NEGR1: variants seen among roughly 807,000 people sequenced by gnomAD.
The protein encoded by NEGR1 is IgLON family member 4.
In NEGR1, 10 loss-of-function variants were observed where a neutral mutation model predicts 40.9. The ratio of observed to expected loss-of-function variants is 0.24; its 90% CI spans 0.15 to 0.42. The LOEUF (loss-of-function observed/expected upper bound fraction) is 0.42. NEGR1 is among the 10% of genes least tolerant of loss of function. The pLI, the probability that NEGR1 is intolerant of heterozygous loss-of-function variation, is 1.00. For synonymous variants in NEGR1, 185 were observed against 166.8 expected (o/e 1.11, Z -0.84); for missense variants, 352 against 438.9 (o/e 0.80, Z 1.77).
chr1:71,744,302 T>TATATATAA (rs1444448437), intron 3 of NEGR1, among the ~76,000 whole-genome samples: 1 of 147,240 alleles, frequency 6.8e-6, no homozygotes, highest in African/African-American at 2.5e-5. Context: ...TATATATATA[T>TATATATAA]AAAGTGCTTG....
rs1318293372 is a variant in NEGR1, at chr1:71,688,497, G to A, written c.667+9511C>T. 1.8e-4 allele frequency among the ~76,000 whole-genome samples: 9 copies of A among 50,188 alleles called. No individual in the cohort carries two copies. The East Asian group carries it at 3.9e-3, about 21-fold the overall frequency. 32.9% of individuals were successfully genotyped at this position (50,188 alleles called of 152,430 possible). A position where few individuals can be genotyped will look rare whatever the true frequency, so the allele number is the denominator to read the frequency against. On this transcript the variant is annotated intron_variant, in intron 4 of 6. Coordinates refer to ENST00000357731, the MANE Select transcript of NEGR1 (RefSeq NM_173808.3). ...TTTTGAGACAGAGTCTTGCTCTGTC[G>A]CCCCGAGCTGGAGTGCAATGGCACA...
intron 1 of NEGR1, among the ~76,000 whole-genome samples, chr1:72,187,642 T>C (rs1652659949): frequency 7.3e-6 from 1 of 137,582 alleles, no homozygotes; most frequent in Admixed American, 7.7e-5. Flanking sequence ...AAACATGCCA[T>C]GTTGAAACAG....
chr1:71,559,019 G>GTGTGTATA (rs377263417), intron 6 of NEGR1, among the ~76,000 whole-genome samples: 12,202 of 113,310 alleles, frequency 0.11, 562 homozygotes, highest in Middle Eastern at 0.15. Context: ...CTGTGTGTGT[G>GTGTGTATA]TATATATATA....
intron 4 of NEGR1, among the ~76,000 whole-genome samples, chr1:71,661,114 G>A (rs6424439): frequency 0.47 from 71,520 of 151,728 alleles, 16,876 homozygotes; most frequent in Middle Eastern, 0.54. Context: ...TGAGCATTAC[G>A]GTCGGTTCCA....
At chr1:72,043,804 C>G (rs1296076778) in intron 1 of NEGR1, among the ~76,000 whole-genome samples, 1 of 151,762 alleles carries the variant, frequency 6.6e-6, no homozygotes, top group Non-Finnish European at 1.5e-5. Flanking sequence ...GTGGAATTCA[C>G]CCTATTCTGT....
At chr1:71,874,178 G>C (rs1400248685) in intron 2 of NEGR1, among the ~76,000 whole-genome samples, 1 of 151,992 alleles carries the variant, frequency 6.6e-6, no homozygotes, top group Non-Finnish European at 1.5e-5. Context: ...AATTAAATTG[G>C]AAGCCATTCC....
chr1:72,124,008 G>T (rs1395393676), intron 1 of NEGR1, among the ~76,000 whole-genome samples: 1 of 151,934 alleles, frequency 6.6e-6, no homozygotes, highest in African/African-American at 2.4e-5. Flanking sequence ...TTTGAAATTA[G>T]AAATCTATCA....
chr1:71,655,801 G>A (rs1310177571), intron 4 of NEGR1, among the ~76,000 whole-genome samples: 1 of 152,150 alleles, frequency 6.6e-6, no homozygotes, highest in Non-Finnish European at 1.5e-5. Flanking sequence ...CATTTGAGTT[G>A]TGAAAGGCAT....
At chr1:71,930,894 C>G (rs1040736496) in intron 2 of NEGR1, among the ~76,000 whole-genome samples, 11 of 152,098 alleles carry the variant, frequency 7.2e-5, no homozygotes, top group Non-Finnish European at 2.9e-5. Context: ...CAAAGCTGTC[C>G]TACATTGGGC....
chr1:71,946,003 C>T (rs890449638), intron 1 of NEGR1, among the ~76,000 whole-genome samples: 7 of 152,118 alleles, frequency 4.6e-5, no homozygotes, highest in African/African-American at 1.7e-4. Flanking sequence ...CACTGATCTT[C>T]CCAAGCCCAT....
intron 6 of NEGR1, among the ~76,000 whole-genome samples, chr1:71,431,111 C>A (rs1646465443): frequency 7.1e-6 from 1 of 141,254 alleles, no homozygotes; most frequent in Non-Finnish European, 1.5e-5. Flanking sequence ...TAAAAAAGGT[C>A]AAAAAAAGAC....
intron 6 of NEGR1, among the ~76,000 whole-genome samples, chr1:71,502,879 C>G (rs149167206): frequency 1.3e-5 from 2 of 152,102 alleles, no homozygotes; most frequent in Admixed American, 1.3e-4. Context: ...TCAGTTCTCC[C>G]GCAAGGGAAA....
intron 6 of NEGR1, among the ~76,000 whole-genome samples, chr1:71,496,087 T>C (rs1646961254): frequency 6.6e-6 from 1 of 152,218 alleles, no homozygotes; most frequent in South Asian, 2.1e-4. Flanking sequence ...TAGTTTTCTT[T>C]TTAATTATAT....
intron 6 of NEGR1, among the ~76,000 whole-genome samples, chr1:71,500,971 C>A (rs1020959329): frequency 5.9e-5 from 9 of 151,972 alleles, no homozygotes; most frequent in Non-Finnish European, 1.3e-4. Context: ...CCCACAAAGT[C>A]AGAGAGCCAA....
chr1:71,752,884 C>G (rs1444956229), intron 3 of NEGR1, among the ~76,000 whole-genome samples: 1 of 152,102 alleles, frequency 6.6e-6, no homozygotes, highest in Admixed American at 6.6e-5. Context: ...TCCAGAAAAT[C>G]TTAGTCATTT....
At chr1:71,576,796 C>T (rs1052295432) in intron 6 of NEGR1, among the ~76,000 whole-genome samples, 1 of 152,110 alleles carries the variant, frequency 6.6e-6, no homozygotes, top group African/African-American at 2.4e-5. Context: ...GGAGATGAGA[C>T]CTTTTCCTTC....
chr1:72,171,623 T>C (rs932197231), intron 1 of NEGR1, among the ~76,000 whole-genome samples: 2 of 152,314 alleles, frequency 1.3e-5, no homozygotes, highest in South Asian at 2.1e-4. Flanking sequence ...AAATAGTATA[T>C]TGTCAAAATT....
At chr1:72,272,323 CACTA>C (rs1273905159) in intron 1 of NEGR1, among the ~76,000 whole-genome samples, 2 of 151,756 alleles carry the variant, frequency 1.3e-5, no homozygotes, top group African/African-American at 4.8e-5. Flanking sequence ...ACCTACCAAG[CACTA>C]ACTAAGTAGT....
At chr1:72,010,568 T>C (rs1356077830) in intron 1 of NEGR1, among the ~76,000 whole-genome samples, 3 of 152,040 alleles carry the variant, frequency 2.0e-5, no homozygotes, top group East Asian at 1.9e-4. Context: ...AACTAAAGCA[T>C]TGCAATATTC....
Sources: gnomAD v4.1 joint callset for allele counts (sites outside exome capture counted in the v4.1 genomes callset) on GRCh38, gnomAD v4.1.1 for gene constraint, MANE v1.5 for transcripts, NCBI Gene and HGNC (gene_info 2026-07-23, HGNC 2026-07-21) for gene names.